ARHGAP39: variants seen among roughly 807,000 people sequenced by gnomAD.
ARHGAP39 encodes the protein Rho GTPase activating protein 39.
In ARHGAP39, 44 loss-of-function variants were observed where a neutral mutation model predicts 106.9. The ratio of observed to expected loss-of-function variants is 0.41; its 90% CI spans 0.32 to 0.53. The LOEUF (loss-of-function observed/expected upper bound fraction) is 0.53, where lower values mean the gene tolerates loss of function less well. ARHGAP39 is among the 20% of genes least tolerant of loss of function. ARHGAP39 has a pLI of 0.21. For missense variants in ARHGAP39, 1,496 were observed against 1,577.3 expected (o/e 0.95, Z 0.87); for synonymous variants, 768 against 693.2 (o/e 1.11, Z -1.69).
At position 144,578,884 on chromosome 8, in the gene ARHGAP39, A is replaced by C. The variant is rs980163029; in HGVS notation, c.512+1962T>G. Among the ~76,000 whole-genome samples, 5 of 151,140 alleles carry C rather than the reference A, an allele frequency of 3.3e-5. No individual in the cohort carries two copies. The South Asian group carries it at 1.0e-3, about 32-fold the overall frequency. On this transcript the variant is annotated intron_variant, in intron 3 of 11. Transcript: ENST00000377307. ...AACAAACAAAACAAAAACAACAAAAACCTTTGTTTTTCAAATGATACCATC... is the reference window on the plus strand; with the variant it reads ...AACAAACAAAACAAAAACAACAAAACCCTTTGTTTTTCAAATGATACCATC...
chr8:144,570,914 C>A (rs1426670075), intron 3 of ARHGAP39, among the ~76,000 whole-genome samples: 1 of 152,132 alleles, frequency 6.6e-6, no homozygotes, highest in Non-Finnish European at 1.5e-5. Context: ...CACATACACC[C>A]TCCCAAGACT....
intron 1 of ARHGAP39, among the ~76,000 whole-genome samples, chr8:144,610,278 G>T (rs114571201): frequency 2.6e-5 from 4 of 151,646 alleles, no homozygotes; most frequent in Non-Finnish European, 4.4e-5. Context: ...CAGCTTAATC[G>T]TTTTTTTTCT....
At chr8:144,654,516 C>T (rs950582286) in intron 1 of ARHGAP39, among the ~76,000 whole-genome samples, 1 of 152,118 alleles carries the variant, frequency 6.6e-6, no homozygotes, top group African/African-American at 2.4e-5. Context: ...AAACTTTTTC[C>T]AAATTTGATG....
At chr8:144,665,597 C>T (rs553686723) in intron 1 of ARHGAP39, among the ~76,000 whole-genome samples, 2 of 152,336 alleles carry the variant, frequency 1.3e-5, no homozygotes, top group South Asian at 2.1e-4. Flanking sequence ...CCTCTCCAAT[C>T]GTGGCTGAAA....
At position 144,647,398 on chromosome 8, in the gene ARHGAP39, A is replaced by G. The variant is rs1446232759; in HGVS notation, c.-82+38288T>C. ...ATCCCTGTTCTCACCCTCACTGTGC[A>G]GAGTCCCTGAGACTTCCCCACAGGC... On this transcript the variant is annotated intron_variant, in intron 1 of 11. Coordinates refer to ENST00000377307, the MANE Select transcript of ARHGAP39 (RefSeq NM_025251.3). The surrounding 1 kb of genome is among the most constrained non-coding windows in gnomAD (Gnocchi z 4.8). 1.3e-5 allele frequency among the ~76,000 whole-genome samples: 2 copies of G among 152,178 alleles called. No homozygotes were observed. The highest frequency in any genetic ancestry group is 4.8e-5 in the African/African-American group (2 of 41,452).
intron 2 of ARHGAP39, among the ~76,000 whole-genome samples, chr8:144,587,815 T>C (rs557413215): frequency 1.3e-5 from 2 of 152,240 alleles, no homozygotes; most frequent in South Asian, 2.1e-4. Context: ...CCACCACGCC[T>C]GGCTAACTCT....
At chr8:144,622,909 G>A (rs1820841156) in intron 1 of ARHGAP39, among the ~76,000 whole-genome samples, 1 of 152,226 alleles carries the variant, frequency 6.6e-6, no homozygotes, top group East Asian at 1.9e-4. Context: ...GTTACTGCCG[G>A]GGGACGCCCC....
the ARHGAP39 span, among the ~76,000 whole-genome samples, chr8:144,694,533 G>T: frequency 6.6e-6 from 1 of 152,220 alleles, no homozygotes; most frequent in Admixed American, 6.5e-5. Context: ...AGCTGTGTGT[G>T]TTAACGCCGT....
At position 144,670,167 on chromosome 8, in the gene ARHGAP39, G is replaced by A. The variant is rs115178459; in HGVS notation, c.-82+15519C>T. Among the ~76,000 whole-genome samples the A allele has an allele frequency of 4.4e-4, 67 of 151,920 alleles. No homozygotes were observed. The highest frequency in any genetic ancestry group is 8.1e-4 in the Non-Finnish European group (55 of 67,968). ...GAGCGTACCGGGAAGCAGGATCAGG[G>A]CCTGGGACCAGGCGGCTGTAAAAAG... On this transcript the variant is annotated intron_variant, in intron 1 of 11. Transcript: ENST00000377307. The surrounding 1 kb of genome is among the most constrained non-coding windows in gnomAD (Gnocchi z 4.4).
chr8:144,580,641 C>T (rs1409937914), intron 3 of ARHGAP39, among the ~76,000 whole-genome samples: 1 of 150,816 alleles, frequency 6.6e-6, no homozygotes, highest in African/African-American at 2.4e-5. Context: ...CCACCACCGT[C>T]ACCAGTCCCG....
intron 9 of ARHGAP39, 48 bp downstream of exon 9, chr8:144,533,078 A>T: frequency 6.4e-7 from 1 of 1,572,784 alleles, no homozygotes; most frequent in Non-Finnish European, 8.6e-7. Context: ...TGCATGGTGG[A>T]CACATGGCTG....
chr8:144,553,941 C>T (rs1214403159), intron 4 of ARHGAP39, among the ~76,000 whole-genome samples: 4 of 152,262 alleles, frequency 2.6e-5, no homozygotes, highest in Non-Finnish European at 5.9e-5. Context: ...GGGCTGTCGC[C>T]TCCCAGCCAT....
chr8:144,574,452 C>G (rs1213554581), intron 3 of ARHGAP39, among the ~76,000 whole-genome samples: 1 of 152,158 alleles, frequency 6.6e-6, no homozygotes, highest in Non-Finnish European at 1.5e-5. Context: ...GGGCAGATCA[C>G]CAGGTCAGCA....
chr8:144,561,432 G>C (rs1485389238), intron 3 of ARHGAP39, among the ~76,000 whole-genome samples: 1 of 146,078 alleles, frequency 6.8e-6, no homozygotes, highest in Non-Finnish European at 1.5e-5. Flanking sequence ...TCACACTCCA[G>C]TGGTGTCCAT....
At chr8:144,680,541 T>C (rs1353540029) in intron 1 of ARHGAP39, among the ~76,000 whole-genome samples, 1 of 152,226 alleles carries the variant, frequency 6.6e-6, no homozygotes, top group Admixed American at 6.5e-5. Flanking sequence ...AGATTTTTTC[T>C]TTTTAAGTTC....
In ARHGAP39 at chr8:144,548,099, G is replaced by A. The variant is rs1564841593; in HGVS notation, c.987C>T (p.Pro329=). The stretch of plus-strand genomic sequence containing the variant: ...CGCCAGCCTCGAATTGCACGTCCAT[G>A]GGGGGCTCATCGTAGATGGGGGCCT... ...EYQAPIYDEP[P]MDVQFEAGGG... is the part of the protein sequence containing the mutation. Residue 329 remains proline, a synonymous_variant, in exon 5 of 12, where the codon CCC becomes CCT. Coordinates refer to ENST00000377307, the MANE Select transcript of ARHGAP39 (RefSeq NM_025251.3). The surrounding 1 kb of genome is among the most constrained non-coding windows in gnomAD (Gnocchi z 7.4). 20 of 1,590,008 alleles carry A rather than the reference G, an allele frequency of 1.3e-5. No individual in the cohort carries two copies. The highest frequency in any genetic ancestry group is 1.6e-5 in the Non-Finnish European group (19 of 1,168,736).
At chr8:144,687,016 CCG>C, upstream of ARHGAP39, among the ~76,000 whole-genome samples, 1 of 119,908 alleles carries the variant, frequency 8.3e-6, no homozygotes, top group Non-Finnish European at 1.7e-5. Context: ...TTTCCCACCC[CCG>C]TGACCACGCA....
At chr8:144,622,459 G>A (rs913697870) in intron 1 of ARHGAP39, among the ~76,000 whole-genome samples, 4 of 152,026 alleles carry the variant, frequency 2.6e-5, no homozygotes, top group East Asian at 1.9e-4. Context: ...CAGATACTCC[G>A]GGCTCTGCCA....
intron 1 of ARHGAP39, among the ~76,000 whole-genome samples, chr8:144,668,372 TTGAGGCTGCAG>T (rs2129713929): frequency 6.6e-6 from 1 of 152,212 alleles, no homozygotes; most frequent in South Asian, 2.1e-4. Flanking sequence ...GCCCAGGAGG[TTGAGGCTGCAG>T]TGAGTCAAAA....
Sources: allele counts gnomAD v4.1 joint callset (sites outside exome capture counted in the v4.1 genomes callset), GRCh38; gene constraint gnomAD v4.1.1; non-coding constraint Gnocchi (gnomAD v3.1); transcripts MANE v1.5; gene names NCBI Gene and HGNC (gene_info 2026-07-23, HGNC 2026-07-21).